ARL1: variants seen among roughly 807,000 people sequenced by gnomAD.
The protein encoded by ARL1 is ARF like GTPase 1, also known as ADP-ribosylation factor-like protein 1.
A neutral mutation model predicts 30.1 loss-of-function variants in ARL1; 17 were observed. The observed-to-expected ratio is 0.56, with a 90% CI of 0.39 to 0.85. The LOEUF (loss-of-function observed/expected upper bound fraction) is 0.85, where lower values mean the gene tolerates loss of function less well. Among genes scored for constraint, ARL1 ranks in the 40% least tolerant of loss-of-function variants. The pLI, the probability that ARL1 is intolerant of heterozygous loss-of-function variation, is 0.00. For synonymous variants in ARL1, 58 were observed against 71.7 expected (o/e 0.81, Z 0.97); for missense variants, 102 against 212.6 (o/e 0.48, Z 3.24).
chr12:101,406,859 C>T (rs1206824138), intron 1 of ARL1, among the ~76,000 whole-genome samples: 1 of 152,104 alleles, frequency 6.6e-6, no homozygotes, highest in Non-Finnish European at 1.5e-5. Context: ...GACAGGACAG[C>T]GCCTGTGATG....
At chr12:101,401,025 G>A in intron 4 of ARL1, 37 bp downstream of exon 4, 1 of 1,338,940 alleles carries the variant, frequency 7.5e-7, no homozygotes, top group Non-Finnish European at 1.1e-6. Context: ...ATATGTAAAT[G>A]ACTGCCCCAC....
At chr12:101,399,437 A>G (rs1348890864) in intron 4 of ARL1, among the ~76,000 whole-genome samples, 1 of 148,444 alleles carries the variant, frequency 6.7e-6, no homozygotes, top group Non-Finnish European at 1.5e-5. Flanking sequence ...GCTTGAACCC[A>G]GGAGGCGAAA....
intron 2 of ARL1, 171 bp from the exon 3 acceptor site, chr12:101,403,117 C>A: frequency 4.3e-6 from 2 of 469,998 alleles, no homozygotes; most frequent in East Asian, 3.9e-5. Context: ...ATTGTTGAAT[C>A]ACATTATTGG....
At chr12:101,404,015 G>C (rs1439991852) in intron 2 of ARL1, among the ~76,000 whole-genome samples, 1 of 152,032 alleles carries the variant, frequency 6.6e-6, no homozygotes, top group Non-Finnish European at 1.5e-5. Flanking sequence ...ATTAGCTTTT[G>C]TTTTATATTT....
At position 101,394,784 on chromosome 12, in the gene ARL1, A is replaced by G. The variant is rs1292430880; in HGVS notation, c.*856T>C. ...ATTTTGAATGTAACTAATTAGCATA[A>G]TTTTATTTAAGAGTTAGACTGTGTT... On this transcript the variant is annotated 3_prime_UTR_variant, in exon 6 of 6. Coordinates refer to ENST00000261636, the MANE Select transcript of ARL1 (RefSeq NM_001177.6). The G allele has an allele frequency of 6.6e-6, 1 of 152,178 alleles. No homozygotes were observed. The highest frequency in any genetic ancestry group is 2.4e-5 in the African/African-American group (1 of 41,450). The allele number at this position is 152,178 out of a possible 1,614,324, so 9.4% of individuals were successfully genotyped here. A position where few individuals can be genotyped will look rare whatever the true frequency, so the allele number is the denominator to read the frequency against.
intron 2 of ARL1, among the ~76,000 whole-genome samples, chr12:101,403,876 C>T (rs537594280): frequency 3.4e-4 from 52 of 152,286 alleles, no homozygotes; most frequent in Non-Finnish European, 7.1e-4. Flanking sequence ...ATGAGAATCG[C>T]TTGAACCTGG....
chr12:101,406,271 C>G (rs923516533), intron 1 of ARL1, among the ~76,000 whole-genome samples: 6 of 152,056 alleles, frequency 3.9e-5, no homozygotes, highest in Admixed American at 2.6e-4. Flanking sequence ...ATTTTCTAAT[C>G]AGCAGAATAG....
At chr12:101,406,123 C>A in intron 1 of ARL1, 142 bp from the exon 2 acceptor site, 1 of 644,552 alleles carries the variant, frequency 1.6e-6, no homozygotes, top group Non-Finnish European at 2.5e-6. Context: ...TTTTTCCTCC[C>A]AATGAAATAT....
At chr12:101,404,397 G>C (rs1340712025) in intron 2 of ARL1, among the ~76,000 whole-genome samples, 2 of 152,158 alleles carry the variant, frequency 1.3e-5, no homozygotes, top group Non-Finnish European at 2.9e-5. Flanking sequence ...TCAACAAAGA[G>C]TGTGGTGTAA....
In ARL1 at chr12:101,395,895, T is replaced by C. The variant is rs893037197; in HGVS notation, c.516-225A>G. On this transcript the variant is annotated intron_variant, in intron 5 of 5. Coordinates refer to ENST00000261636, the MANE Select transcript of ARL1 (RefSeq NM_001177.6). The stretch of plus-strand genomic sequence containing the variant: ...AAGACCAAATACCTATTTTCCAGGC[T>C]ACTACTACTTCTGGGCTACATATGG... 3.3e-5 allele frequency among the ~76,000 whole-genome samples: 5 copies of C among 152,362 alleles called. No individual in the cohort carries two copies. The East Asian group carries it at 9.6e-4, about 29-fold the overall frequency.
At chr12:101,400,395 G>C (rs1428187903) in intron 4 of ARL1, 1 of 120,310 alleles carries the variant, frequency 8.3e-6, no homozygotes, top group Admixed American at 8.3e-5. Flanking sequence ...CAAAAAAAAA[G>C]AAAAAAAAAA....
chr12:101,396,163 A>T, intron 5 of ARL1: 2 of 612,038 alleles, frequency 3.3e-6, no homozygotes, highest in Non-Finnish European at 5.8e-6. Flanking sequence ...GAGGCAGGGA[A>T]AAGGCTAAAA....
Position 101,399,509 on chromosome 12 carries a change from TAAAAAAAAAAAAAAAAAA to T in ARL1, c.336+1535_336+1552del, listed in dbSNP as rs200979843. ...CTGGGCGACAGAGCAAGACTCTGTC[TAAAAAAAAAAAAAAAAAA>T]AAAAAAAAAAAAGAATTCAAAAGTA... On this transcript the variant is annotated intron_variant, in intron 4 of 5. Transcript: ENST00000261636. Among the ~76,000 whole-genome samples, 122 of 110,502 alleles carry T rather than the reference TAAAAAAAAAAAAAAAAAA, an allele frequency of 1.1e-3. 1 individual carries two copies. Among genetic ancestry groups the T allele is most frequent in the Middle Eastern group, 4.5e-3 (1 of 220 alleles). The allele number at this position is 110,502 out of a possible 152,430, so 72.5% of individuals were successfully genotyped here. A position where few individuals can be genotyped will look rare whatever the true frequency, so the allele number is the denominator to read the frequency against.
chr12:101,395,900 C>A (rs559418654), intron 5 of ARL1, among the ~76,000 whole-genome samples: 3 of 152,276 alleles, frequency 2.0e-5, no homozygotes, highest in Admixed American at 6.5e-5. Flanking sequence ...CAGGCTACTA[C>A]TACTTCTGGG....
In ARL1 at chr12:101,407,672, A is replaced by G. The variant is rs749163134; in HGVS notation, c.-27T>C. The G allele has an allele frequency of 6.2e-7, 1 of 1,612,062 alleles. No individual in the cohort carries two copies. The highest frequency in any genetic ancestry group is 1.1e-5 in the South Asian group (1 of 91,024). The stretch of plus-strand genomic sequence containing the variant: ...ATGAACCCCCTGTCCTCCCTCGCCG[A>G]TCTTCAGTGATTCCTTGGCCTTCGG... On this transcript the variant is annotated 5_prime_UTR_variant, in exon 1 of 6. Transcript: ENST00000261636.
intron 2 of ARL1, 27 bp downstream of exon 2, chr12:101,405,817 C>T: frequency 2.0e-6 from 3 of 1,523,562 alleles, no homozygotes; most frequent in Non-Finnish European, 2.6e-6. Flanking sequence ...AAAGTCCCTA[C>T]AATTAGCTCA....
At chr12:101,398,380 T>C (rs1382700752) in intron 4 of ARL1, among the ~76,000 whole-genome samples, 1 of 148,314 alleles carries the variant, frequency 6.7e-6, no homozygotes, top group African/African-American at 2.5e-5. Context: ...TGGGCAACAA[T>C]AGTGAAACTC....
At chr12:101,399,275 T>G (rs1460415969) in intron 4 of ARL1, among the ~76,000 whole-genome samples, 1 of 151,972 alleles carries the variant, frequency 6.6e-6, no homozygotes, top group Admixed American at 6.6e-5. Flanking sequence ...GGCTGGCAGA[T>G]CAGGAGGCGG....
At chr12:101,401,320 G>C (rs911555005) in intron 3 of ARL1, 147 bp from the exon 4 acceptor site, 1 of 556,318 alleles carries the variant, frequency 1.8e-6, no homozygotes, top group South Asian at 2.5e-5. Flanking sequence ...ATATCCCTCA[G>C]ATGTGATGGA....
Sources: allele counts gnomAD v4.1 joint callset (sites outside exome capture counted in the v4.1 genomes callset), GRCh38; gene constraint gnomAD v4.1.1; transcripts MANE v1.5; gene names NCBI Gene and HGNC (gene_info 2026-07-23, HGNC 2026-07-21).